The following ERCC6L2 variants were observed in gnomAD, a reference collection of about 807,000 sequenced individuals.
The protein encoded by ERCC6L2 is ERCC excision repair 6 like 2, also known as DNA excision repair protein ERCC-6-like 2.
ERCC6L2 carries 77 observed loss-of-function variants against 132.0 expected under a neutral mutation model. The observed-to-expected ratio is 0.58, with a 90% CI of 0.49 to 0.71. The LOEUF is 0.71. Among genes scored for constraint, ERCC6L2 ranks in the 30% least tolerant of loss-of-function variants. The pLI is 0.00. For synonymous variants in ERCC6L2, 583 were observed against 632.4 expected (o/e 0.92, Z 1.17); for missense variants, 1,542 against 1,837.6 (o/e 0.84, Z 2.94).
At chr9:96,008,602 G>A (rs1416357553) in intron 18 of ERCC6L2, among the ~76,000 whole-genome samples, 4 of 152,186 alleles carry the variant, frequency 2.6e-5, no homozygotes, top group African/African-American at 9.7e-5. Context: ...GAGCAGTGAG[G>A]CATGATTGAA....
chr9:95,997,405 C>T (rs749565810), intron 17 of ERCC6L2, among the ~76,000 whole-genome samples: 6 of 152,192 alleles, frequency 3.9e-5, no homozygotes, highest in Non-Finnish European at 7.3e-5. Flanking sequence ...CATGATAAAA[C>T]TTTAACAGGT....
chr9:95,909,682 A>G (rs141621073), intron 4 of ERCC6L2, among the ~76,000 whole-genome samples: 377 of 152,198 alleles, frequency 2.5e-3, no homozygotes, highest in African/African-American at 8.4e-3. Context: ...CAATATTCAC[A>G]TTTTGTTACC....
intron 19 of ERCC6L2, among the ~76,000 whole-genome samples, chr9:96,034,615 T>C (rs1462588153): frequency 6.6e-6 from 1 of 152,188 alleles, no homozygotes; most frequent in African/African-American, 2.4e-5. Context: ...CTCGGGCTGC[T>C]TGTGGGGAGC....
intron 11 of ERCC6L2, among the ~76,000 whole-genome samples, chr9:95,933,705 G>A (rs1422682195): frequency 1.3e-5 from 2 of 151,978 alleles, no homozygotes; most frequent in South Asian, 2.1e-4. Flanking sequence ...TTAGCCAGGT[G>A]CAGCGGTTCA....
downstream of ERCC6L2, chr9:96,020,979 C>G (rs1834277875): frequency 2.2e-6 from 1 of 456,596 alleles, no homozygotes; most frequent in Non-Finnish European, 4.4e-6. Context: ...AACGGCGCAC[C>G]GGGCCCCGTC....
At chr9:95,898,079 C>T in intron 3 of ERCC6L2, 108 bp downstream of exon 3, 1 of 1,000,644 alleles carries the variant, frequency 1.0e-6, no homozygotes, top group Non-Finnish European at 1.4e-6. Context: ...CATTTTAAAA[C>T]CTAAGAATTT....
chr9:95,881,806 A>G (rs1827611807), intron 2 of ERCC6L2, among the ~76,000 whole-genome samples: 1 of 152,282 alleles, frequency 6.6e-6, no homozygotes, highest in African/African-American at 2.4e-5. Flanking sequence ...ATTTGTACAC[A>G]TACATACTTT....
intron 17 of ERCC6L2, among the ~76,000 whole-genome samples, chr9:95,995,679 T>C (rs1353974030): frequency 6.6e-6 from 1 of 152,228 alleles, no homozygotes; most frequent in East Asian, 1.9e-4. Context: ...TGTGCTCACT[T>C]TGTGTCTCTG....
intron 5 of ERCC6L2, 74 bp from the exon 6 acceptor site, chr9:95,916,153 A>G (rs1010236282): frequency 1.8e-5 from 24 of 1,313,138 alleles, no homozygotes; most frequent in South Asian, 1.4e-4. Flanking sequence ...GTAATGTAGT[A>G]TATCTCTTAG....
chr9:95,991,921 A>T (rs1420965518), intron 17 of ERCC6L2, among the ~76,000 whole-genome samples: 1 of 152,232 alleles, frequency 6.6e-6, no homozygotes, highest in African/African-American at 2.4e-5. Context: ...AATGAAATTA[A>T]CCTTGAGTTT....
chr9:96,023,950 T>C (rs1435520654), intron 19 of ERCC6L2, among the ~76,000 whole-genome samples: 1 of 152,168 alleles, frequency 6.6e-6, no homozygotes, highest in East Asian at 1.9e-4. Context: ...TGAACAAAAG[T>C]CATTTCTCTT....
intron 9 of ERCC6L2, among the ~76,000 whole-genome samples, chr9:95,927,834 A>G (rs1001192472): frequency 2.0e-5 from 3 of 152,156 alleles, no homozygotes; most frequent in African/African-American, 4.8e-5. Flanking sequence ...TTAAAACCAG[A>G]TGAGATGAAA....
intron 1 of ERCC6L2, among the ~76,000 whole-genome samples, chr9:95,879,324 C>G (rs1827464857): frequency 6.6e-6 from 1 of 152,090 alleles, no homozygotes; most frequent in African/African-American, 2.4e-5. Context: ...TCATTTTATA[C>G]CCATTGTGTG....
In ERCC6L2 at chr9:96,013,177, G is replaced by T; in HGVS notation, c.4627G>T (p.Ala1543Ser). 1 of 1,364,838 alleles carries T rather than the reference G, an allele frequency of 7.3e-7. No individual in the cohort carries two copies. The highest frequency in any genetic ancestry group is 9.8e-7 in the Non-Finnish European group (1 of 1,021,052). The allele number at this position is 1,364,838 out of a possible 1,614,324, so 84.5% of individuals were successfully genotyped here. A position where few individuals can be genotyped will look rare whatever the true frequency, so the allele number is the denominator to read the frequency against. The part of the protein sequence containing the change: ...KFSPSDTDEN[A>S]TNTQSTT ...TAGCCCAAGTGATACAGATGAAAAC[G>T]CAACCAATACACAGAGTACCACATA... Residue 1543 changes from alanine to serine, a missense_variant, in exon 19 of 19, where the codon GCA becomes TCA. Ala to Ser is a moderately conservative substitution (Grantham distance 99, BLOSUM62 1). This residue lies in a region of ERCC6L2 where 442 missense variants were observed against 583.4 expected (regional missense o/e 0.76). Transcript: ENST00000653738.
At position 95,899,600 on chromosome 9, in the gene ERCC6L2, A is replaced by ATATATATG. The variant is rs746946004; in HGVS notation, c.594+1630_594+1631insATATATGT. Among the ~76,000 whole-genome samples the ATATATATG allele has an allele frequency of 1.6e-3, 217 of 134,884 alleles. 1 individual carries two copies. The highest frequency in any genetic ancestry group is 6.1e-3 in the African/African-American group (212 of 34,778). 88.5% of individuals were successfully genotyped at this position (134,884 alleles called of 152,430 possible). On this transcript the variant is annotated intron_variant, in intron 3 of 18. Coordinates refer to ENST00000653738, the MANE Select transcript of ERCC6L2 (RefSeq NM_020207.7). ...TTTCTTTTTTTCTCTTTATATATATATGTGTGTGTGTGTGTGTGTGTGTGT... is the reference window on the plus strand; with the variant it reads ...TTTCTTTTTTTCTCTTTATATATATATATATATGTGTGTGTGTGTGTGTGTGTGTGTGT...
chr9:95,940,063 AC>A (rs1830728401), intron 11 of ERCC6L2, among the ~76,000 whole-genome samples: 1 of 152,110 alleles, frequency 6.6e-6, no homozygotes, highest in African/African-American at 2.4e-5. Context: ...ATGGAGGGAG[AC>A]CCTGTTATCA....
At chr9:95,944,806 T>C (rs1259326945) in intron 12 of ERCC6L2, among the ~76,000 whole-genome samples, 3 of 152,130 alleles carry the variant, frequency 2.0e-5, no homozygotes, top group African/African-American at 7.2e-5. Context: ...CCCCCTGAGC[T>C]GCAAAACCAG....
intron 4 of ERCC6L2, among the ~76,000 whole-genome samples, chr9:95,910,876 G>A (rs1225105656): frequency 6.6e-6 from 1 of 152,046 alleles, no homozygotes; most frequent in Non-Finnish European, 1.5e-5. Context: ...GCAGACATGA[G>A]GACTGAACCT....
intron 2 of ERCC6L2, among the ~76,000 whole-genome samples, chr9:95,881,663 C>T (rs1827603223): frequency 6.6e-6 from 1 of 152,076 alleles, no homozygotes; most frequent in Non-Finnish European, 1.5e-5. Flanking sequence ...TTAAATTGTT[C>T]CTATAGGCCT....
Sources: gnomAD v4.1 joint callset for allele counts (sites outside exome capture counted in the v4.1 genomes callset) on GRCh38, gnomAD v4.1.1 for gene constraint, gnomAD v4.1.1 regional missense constraint, MANE v1.5 for transcripts, NCBI Gene and HGNC (gene_info 2026-07-23, HGNC 2026-07-21) for gene names.